KIR2DL3: variants seen among roughly 807,000 people sequenced by gnomAD.
The protein encoded by KIR2DL3 is killer cell immunoglobulin-like receptor 2DL3.
A neutral mutation model predicts 33.8 loss-of-function variants in KIR2DL3; 39 were observed. That is an observed-to-expected ratio of 1.15 (90% CI 0.89 to 1.51). KIR2DL3 has a LOEUF of 1.51. KIR2DL3 is among the 40% of genes most tolerant of loss of function. The pLI, the probability that KIR2DL3 is intolerant of heterozygous loss-of-function variation, is 0.00. For missense variants in KIR2DL3, 462 were observed against 426.2 expected (o/e 1.08, Z -0.74); for synonymous variants, 174 against 160.2 (o/e 1.09, Z -0.65).
intron 4 of KIR2DL3, 33 bp from the exon 5 acceptor site, chr19:54,747,302 A>C (rs1272767031): frequency 8.6e-5 from 139 of 1,608,590 alleles, no homozygotes; most frequent in Non-Finnish European, 1.2e-4. Context: ...AGACACCCTC[A>C]TTTCCTCACC....
intron 5 of KIR2DL3, among the ~76,000 whole-genome samples, chr19:54,751,044 C>T (rs1380638756): frequency 7.5e-6 from 1 of 133,448 alleles, no homozygotes; most frequent in Non-Finnish European, 1.6e-5. Flanking sequence ...TAAAGGAACA[C>T]TTGAGCCTGG....
At chr19:54,739,235 A>C (rs373932266) in intron 1 of KIR2DL3, among the ~76,000 whole-genome samples, 5 of 91,660 alleles carry the variant, frequency 5.5e-5, no homozygotes, top group African/African-American at 1.9e-4. Flanking sequence ...ATAGGGGCCT[A>C]GGGTGGAGAT....
In KIR2DL3 at chr19:54,739,165, G is replaced by T. The variant is rs552680956; in HGVS notation, c.35-342G>T. On this transcript the variant is annotated intron_variant, in intron 1 of 7. Coordinates refer to ENST00000342376, the MANE Select transcript of KIR2DL3 (RefSeq NM_015868.3). ...GGAGAGGTGATATGGGCCTGGAGTG[G>T]AGATATGGGCTTAGGGTGGAGATCT... Among the ~76,000 whole-genome samples, 5 of 151,828 alleles carry T rather than the reference G, an allele frequency of 3.3e-5. No individual in the cohort carries two copies. The South Asian group carries it at 1.0e-3, about 32-fold the overall frequency.
At chr19:54,741,086 A>G (rs2070998443) in intron 2 of KIR2DL3, among the ~76,000 whole-genome samples, 1 of 151,792 alleles carries the variant, frequency 6.6e-6, no homozygotes, top group South Asian at 2.1e-4. Context: ...GGAAGGTGTC[A>G]GTGTGGTCTC....
At chr19:54,747,294 A>G (rs753389600) in intron 4 of KIR2DL3, 41 bp from the exon 5 acceptor site, 2 of 1,605,476 alleles carry the variant, frequency 1.2e-6, no homozygotes, top group Admixed American at 1.7e-5. Flanking sequence ...TAGAGGACAG[A>G]CACCCTCATT....
intron 1 of KIR2DL3, 50 bp downstream of exon 1, chr19:54,738,629 G>T: frequency 6.2e-7 from 1 of 1,613,464 alleles, no homozygotes; most frequent in Non-Finnish European, 8.5e-7. Context: ...TGGAGATCGG[G>T]GCCCAGAGTT....
chr19:54,743,086 G>C (rs1290795939), intron 3 of KIR2DL3, among the ~76,000 whole-genome samples: 2 of 151,736 alleles, frequency 1.3e-5, no homozygotes, highest in African/African-American at 4.8e-5. Flanking sequence ...TGGAGATGTG[G>C]GGATGAATTG....
At chr19:54,748,278 T>C (rs1210838435) in intron 5 of KIR2DL3, among the ~76,000 whole-genome samples, 1 of 151,782 alleles carries the variant, frequency 6.6e-6, no homozygotes, top group Non-Finnish European at 1.5e-5. Flanking sequence ...GGGATTCTAT[T>C]GGGTTCACCA....
chr19:54,743,106 C>A (rs2071492192), intron 3 of KIR2DL3, among the ~76,000 whole-genome samples: 1 of 150,830 alleles, frequency 6.6e-6, no homozygotes, highest in African/African-American at 2.4e-5. Context: ...GCAGAGATTC[C>A]AAAGAGAACT....
At chr19:54,744,221 G>T in intron 4 of KIR2DL3, 133 bp downstream of exon 4, 1 of 1,389,786 alleles carries the variant, frequency 7.2e-7, no homozygotes, top group Non-Finnish European at 9.9e-7. Flanking sequence ...GAGGGATCAG[G>T]GCACAGGATG....
intron 5 of KIR2DL3, among the ~76,000 whole-genome samples, chr19:54,747,801 G>C (rs1424889209): frequency 6.6e-6 from 1 of 152,162 alleles, no homozygotes; most frequent in Non-Finnish European, 1.5e-5. Flanking sequence ...AGCAACCCTG[G>C]CTGACTCAGC....
At chr19:54,749,363 A>G (rs686893) in intron 5 of KIR2DL3, among the ~76,000 whole-genome samples, 57,940 of 113,764 alleles carry the variant, frequency 0.51, 15,676 homozygotes, top group Middle Eastern at 0.63. Context: ...GGCAATTGCC[A>G]CCCCACTGGT....
chr19:54,743,125 C>T (rs1211125861), intron 3 of KIR2DL3, among the ~76,000 whole-genome samples: 2 of 150,774 alleles, frequency 1.3e-5, no homozygotes, highest in Non-Finnish European at 1.5e-5. Flanking sequence ...CTAGAGAGAC[C>T]GAGAGGCAGA....
At chr19:54,752,098 G>C (rs926764832) in intron 6 of KIR2DL3, 118 bp from the exon 7 acceptor site, 3 of 1,151,548 alleles carry the variant, frequency 2.6e-6, no homozygotes, top group East Asian at 2.3e-5. Context: ...TGAGTCTGCT[G>C]TTGGCAACTG....
rs371328407 is a variant in KIR2DL3, at chr19:54,751,663, C to A, written c.730C>A (p.Leu244Met). The A allele has an allele frequency of 1.3e-6, 2 of 1,505,730 alleles. 1 individual carries two copies. The highest frequency in any genetic ancestry group is 3.0e-5 in the African/African-American group (2 of 65,682). The allele number at this position is 1,505,730 out of a possible 1,614,324, so 93.3% of individuals were successfully genotyped here. Reference protein sequence around the residue: ...PSSETGNPRHLHVLIGTSVVI... With the variant: ...PSSETGNPRHMHVLIGTSVVI... ...TCTTCTTCCAGGTAACCCCAGACACCTGCATGTTCTGATTGGGACCTCAGT... is the reference window on the plus strand; with the variant it reads ...TCTTCTTCCAGGTAACCCCAGACACATGCATGTTCTGATTGGGACCTCAGT... The change falls in exon 6 of 8, where the codon CTG (leucine) becomes ATG (methionine). Residue 244 changes from leucine (L) to methionine (M), a missense_variant. By Grantham distance (15) the Leu-to-Met change is conservative (BLOSUM62 2). Coordinates refer to ENST00000342376, the MANE Select transcript of KIR2DL3 (RefSeq NM_015868.3).
rs562915613 is a variant in KIR2DL3, at chr19:54,752,700, T to C, written c.*181T>C. 3.7e-5 allele frequency: 35 copies of C among 934,908 alleles called. 9 individuals are homozygous for C. In the African/African-American group the frequency reaches 6.6e-4, roughly 18 times the overall value. 57.9% of individuals were successfully genotyped at this position (934,908 alleles called of 1,614,324 possible). A position where few individuals can be genotyped will look rare whatever the true frequency, so the allele number is the denominator to read the frequency against. ...CTCACACCACAAATCTGAACGTGCC[T>C]CTCCCTTGCTTACAAATGTCTAAGG... On this transcript the variant is annotated 3_prime_UTR_variant, in exon 8 of 8. Coordinates refer to ENST00000342376, the MANE Select transcript of KIR2DL3 (RefSeq NM_015868.3).
At chr19:54,749,482 C>A (rs1182625414) in intron 5 of KIR2DL3, among the ~76,000 whole-genome samples, 1 of 114,462 alleles carries the variant, frequency 8.7e-6, no homozygotes, top group Non-Finnish European at 2.0e-5. Flanking sequence ...GATTTTCCTA[C>A]TTGTTTAATC....
intron 4 of KIR2DL3, among the ~76,000 whole-genome samples, chr19:54,744,952 ATATTTTTTTTTTTTTT>A (rs2072179709): frequency 1.1e-4 from 3 of 27,202 alleles, no homozygotes; most frequent in African/African-American, 4.2e-4. Context: ...ATATATATAT[ATATTTTTTTTTTTTTT>A]TTTTTTTTTA....
chr19:54,752,340 C>A, intron 7 of KIR2DL3, 27 bp from the exon 8 acceptor site: 1 of 1,482,642 alleles, frequency 6.7e-7, no homozygotes, highest in Non-Finnish European at 9.2e-7. Flanking sequence ...GAGCACCCTC[C>A]CTCACTCAGC....
Sources: allele counts gnomAD v4.1 joint callset (sites outside exome capture counted in the v4.1 genomes callset), GRCh38; gene constraint gnomAD v4.1.1; transcripts MANE v1.5; gene names NCBI Gene and HGNC (gene_info 2026-07-23, HGNC 2026-07-21).